Variants in LARGE1 observed in about 807,000 individuals in gnomAD.
The protein encoded by LARGE1 is LARGE xylosyl- and glucuronyltransferase 1.
LARGE1 carries 43 observed loss-of-function variants against 87.6 expected under a neutral mutation model. The ratio of observed to expected loss-of-function variants is 0.49; its 90% CI spans 0.38 to 0.63. The LOEUF is 0.63. Among genes scored for constraint, LARGE1 ranks in the 30% least tolerant of loss-of-function variants. The pLI is 0.00. For synonymous variants in LARGE1, 434 were observed against 394.6 expected (o/e 1.10, Z -1.18); for missense variants, 802 against 1,000.2 (o/e 0.80, Z 2.67).
At chr22:33,352,472 G>A (rs1158373503) in intron 9 of LARGE1, among the ~76,000 whole-genome samples, 1 of 152,130 alleles carries the variant, frequency 6.6e-6, no homozygotes, top group Non-Finnish European at 1.5e-5. Flanking sequence ...AGAAGATGCT[G>A]GCCAGGCATG....
chr22:33,641,527 T>G (rs1372153868), intron 3 of LARGE1, among the ~76,000 whole-genome samples: 1 of 152,144 alleles, frequency 6.6e-6, no homozygotes, highest in Non-Finnish European at 1.5e-5. Flanking sequence ...GGATGGAGAA[T>G]GAGTTTGACC....
chr22:33,363,223 C>G lies in LARGE1; in HGVS notation c.1131+18696G>C, dbSNP rs546418367. ...CAAAACCCAGAATGGTTGCCTGAAA[C>G]CATGCAATAGTGCTGTATAAGTCCG... On this transcript the variant is annotated intron_variant, in intron 9 of 14. Transcript: ENST00000397394. 8.7e-5 allele frequency among the ~76,000 whole-genome samples: 13 copies of G among 149,644 alleles called. 2 individuals are homozygous for G. Among genetic ancestry groups the G allele is most frequent in the African/African-American group, 2.0e-4 (8 of 40,654 alleles).
downstream of LARGE1, among the ~76,000 whole-genome samples, chr22:33,269,162 GA>G (rs1172692711): frequency 6.6e-6 from 1 of 152,058 alleles, no homozygotes; most frequent in Non-Finnish European, 1.5e-5. Flanking sequence ...AATGTTTGAG[GA>G]AAAAAACTAT....
At chr22:33,212,788 C>T (rs1465935465) in intron 11 of LARGE1, among the ~76,000 whole-genome samples, 1 of 152,006 alleles carries the variant, frequency 6.6e-6, no homozygotes, top group Non-Finnish European at 1.5e-5. Flanking sequence ...GAGGCCGAGA[C>T]AGGTGGATCA....
chr22:33,552,434 C>A (rs971712183), intron 6 of LARGE1, among the ~76,000 whole-genome samples: 2 of 150,242 alleles, frequency 1.3e-5, no homozygotes, highest in Admixed American at 1.3e-4. Context: ...TATCTCAACA[C>A]GGGAGACACA....
At chr22:33,880,695 G>T (rs182215861) in intron 1 of LARGE1, among the ~76,000 whole-genome samples, 24 of 152,232 alleles carry the variant, frequency 1.6e-4, no homozygotes, top group African/African-American at 5.8e-4. Context: ...GGACTGAGAC[G>T]TTTTCATCTG....
At chr22:33,174,227 G>GT (rs1922737613) in intron 11 of LARGE1, among the ~76,000 whole-genome samples, 1 of 152,146 alleles carries the variant, frequency 6.6e-6, no homozygotes, top group Non-Finnish European at 1.5e-5. Context: ...TGAACAACCT[G>GT]CTCTTGAATA....
intron 1 of LARGE1, among the ~76,000 whole-genome samples, chr22:33,805,641 G>A (rs535117763): frequency 6.6e-6 from 1 of 152,140 alleles, no homozygotes; most frequent in East Asian, 1.9e-4. Flanking sequence ...GGCTGAGGCA[G>A]GAGAATTCCT....
chr22:33,091,221 A>G, the LARGE1 span, among the ~76,000 whole-genome samples: 1 of 152,168 alleles, frequency 6.6e-6, no homozygotes, highest in Non-Finnish European at 1.5e-5. Flanking sequence ...TTTGATGCCT[A>G]GAAGGGAAGC....
chr22:33,137,884 T>C, the LARGE1 span, among the ~76,000 whole-genome samples: 5 of 152,298 alleles, frequency 3.3e-5, no homozygotes, highest in African/African-American at 7.2e-5. Context: ...AGGCAGAAGT[T>C]TGCTGTAGGG....
chr22:33,841,383 C>G (rs2063277504), intron 1 of LARGE1, among the ~76,000 whole-genome samples: 1 of 152,176 alleles, frequency 6.6e-6, no homozygotes, highest in Non-Finnish European at 1.5e-5. Flanking sequence ...TGAATCTACC[C>G]TGTGGCAAGG....
intron 2 of LARGE1, among the ~76,000 whole-genome samples, chr22:33,748,419 C>T (rs2084182970): frequency 6.6e-6 from 1 of 152,164 alleles, no homozygotes; most frequent in African/African-American, 2.4e-5. Flanking sequence ...AAATATTCAA[C>T]TCTGTTGACT....
chr22:33,769,429 A>G (rs1392342725), intron 1 of LARGE1, among the ~76,000 whole-genome samples: 2 of 152,228 alleles, frequency 1.3e-5, no homozygotes, highest in African/African-American at 4.8e-5. Context: ...CATTTTGCCC[A>G]CTGCTGCCTT....
chr22:33,126,609 T>C, the LARGE1 span, among the ~76,000 whole-genome samples: 1 of 152,244 alleles, frequency 6.6e-6, no homozygotes, highest in Non-Finnish European at 1.5e-5. Context: ...CTATGTTCTT[T>C]GTGGGCAGGC....
In LARGE1 at chr22:33,274,382, A is replaced by C; in HGVS notation, c.*45T>G. On this transcript the variant is annotated 3_prime_UTR_variant, in exon 15 of 15. Coordinates refer to ENST00000397394, the MANE Select transcript of LARGE1 (RefSeq NM_133642.5). The stretch of plus-strand genomic sequence containing the variant: ...GGCCGGGCCCCAAACAGCGAGTGGC[A>C]CTTCCCCTACAGCATGTCTCCCCCT... 6.3e-7 allele frequency: 1 copy of C among 1,590,412 alleles called. No homozygotes were observed. The highest frequency in any genetic ancestry group is 2.2e-5 in the East Asian group (1 of 44,740).
chr22:33,793,141 T>C (rs142034308), intron 1 of LARGE1, among the ~76,000 whole-genome samples: 3 of 152,326 alleles, frequency 2.0e-5, no homozygotes, highest in Non-Finnish European at 2.9e-5. Flanking sequence ...AAGTGTTCAA[T>C]GTGGCATTAT....
intron 9 of LARGE1, among the ~76,000 whole-genome samples, chr22:33,345,811 C>T (rs1239915520): frequency 6.6e-6 from 1 of 151,900 alleles, no homozygotes; most frequent in Non-Finnish European, 1.5e-5. Context: ...AGTGCAAGGA[C>T]AAGGCTGTGG....
At chr22:33,855,343 A>T (rs1304622184) in intron 1 of LARGE1, among the ~76,000 whole-genome samples, 1 of 151,992 alleles carries the variant, frequency 6.6e-6, no homozygotes, top group Non-Finnish European at 1.5e-5. Context: ...CAAAAAAAAT[A>T]AATAAATAAA....
chr22:33,314,199 C>T (rs531671498), intron 11 of LARGE1, among the ~76,000 whole-genome samples: 1 of 152,262 alleles, frequency 6.6e-6, no homozygotes, highest in East Asian at 1.9e-4. Context: ...TTGTCCCATG[C>T]TGTCTTTACC....
Sources: gnomAD v4.1 joint callset for allele counts (sites outside exome capture counted in the v4.1 genomes callset) on GRCh38, gnomAD v4.1.1 for gene constraint, MANE v1.5 for transcripts, NCBI Gene and HGNC (gene_info 2026-07-23, HGNC 2026-07-21) for gene names.